The following RP1 variants were observed in gnomAD, a reference collection of about 807,000 sequenced individuals.
The protein encoded by RP1 is oxygen-regulated protein 1.
Under a neutral mutation model 14.8 loss-of-function variants are expected in RP1, and 16 were observed. The ratio of observed to expected loss-of-function variants is 1.08; its 90% CI spans 0.73 to 1.65. RP1 has a LOEUF of 1.65. Among genes scored for constraint, RP1 ranks in the 40% most tolerant of loss-of-function variants. The probability of loss-of-function intolerance (pLI) is 0.00; values close to 1 mark genes in which losing one functional copy is unlikely to be tolerated. For missense variants in RP1, 2,631 were observed against 2,535.0 expected, an observed-to-expected ratio of 1.04 and a Z score of -0.81; for synonymous variants, 876 against 883.6, an observed-to-expected ratio of 0.99 and a Z score of 0.15.
intron 1 of RP1, among the ~76,000 whole-genome samples, chr8:54,593,600 C>A (rs1554517362): frequency 6.6e-6 from 1 of 152,188 alleles, no homozygotes; most frequent in Non-Finnish European, 1.5e-5. Flanking sequence ...CTGCCACATC[C>A]AGTGTATGCA....
chr8:54,649,155 A>T (rs1216384749), intron 4 of RP1: 1 of 1,475,290 alleles, frequency 6.8e-7, no homozygotes, highest in Non-Finnish European at 8.9e-7. Context: ...TACTGTAAGT[A>T]ATAAAACTGA....
At chr8:54,778,470 A>G (rs917126455) in intron 23 of RP1, among the ~76,000 whole-genome samples, 1 of 151,764 alleles carries the variant, frequency 6.6e-6, no homozygotes, top group Admixed American at 6.6e-5. Flanking sequence ...GACTACAGGC[A>G]TGCACCACCA....
chr8:54,856,760 A>G (rs1405813959), intron 26 of RP1, among the ~76,000 whole-genome samples: 3 of 152,208 alleles, frequency 2.0e-5, no homozygotes, highest in Non-Finnish European at 2.9e-5. Context: ...TATTAGTAAG[A>G]GTAGATTTAA....
intron 3 of RP1, among the ~76,000 whole-genome samples, chr8:54,644,652 G>T: frequency 6.6e-6 from 1 of 152,040 alleles, no homozygotes; most frequent in East Asian, 1.9e-4. Context: ...AAAGCTTTAG[G>T]TATTTGTTAC....
chr8:54,644,574 A>G (rs575739153), intron 3 of RP1, among the ~76,000 whole-genome samples: 1 of 152,262 alleles, frequency 6.6e-6, no homozygotes, highest in South Asian at 2.1e-4. Flanking sequence ...TCAGTGAATC[A>G]TATGTTTAAT....
chr8:54,672,740 A>G (rs1807205964), intron 7 of RP1, among the ~76,000 whole-genome samples: 1 of 152,156 alleles, frequency 6.6e-6, no homozygotes, highest in South Asian at 2.1e-4. Flanking sequence ...GTAATATTTA[A>G]CTTTTTCTTT....
intron 21 of RP1, chr8:54,755,909 T>G (rs1221373025): frequency 3.8e-6 from 3 of 786,542 alleles, no homozygotes; most frequent in Non-Finnish European, 5.5e-6. Flanking sequence ...CTGACCTGAC[T>G]TCCTAATGTG....
chr8:54,638,095 T>C (rs1806385178), intron 3 of RP1, among the ~76,000 whole-genome samples: 1 of 152,204 alleles, frequency 6.6e-6, no homozygotes, highest in Non-Finnish European at 1.5e-5. Context: ...GTCTTGTTTA[T>C]TGAAATCTTA....
intron 1 of RP1, among the ~76,000 whole-genome samples, chr8:54,604,098 G>A (rs1316939667): frequency 1.3e-5 from 2 of 152,142 alleles, no homozygotes; most frequent in African/African-American, 2.4e-5. Flanking sequence ...GTGAGAGAGG[G>A]CATCCCTGTC....
At chr8:54,867,438 G>A (rs1812483307) in intron 28 of RP1, among the ~76,000 whole-genome samples, 1 of 152,020 alleles carries the variant, frequency 6.6e-6, no homozygotes. Context: ...GAATAGAAGG[G>A]GCAAAGATTG....
intron 3 of RP1, among the ~76,000 whole-genome samples, chr8:54,646,581 A>G (rs1369863896): frequency 6.6e-6 from 1 of 152,168 alleles, no homozygotes; most frequent in East Asian, 1.9e-4. Context: ...CTGAAAGATG[A>G]ATCTTCGTTC....
chr8:54,859,198 A>G (rs990630718), intron 27 of RP1, among the ~76,000 whole-genome samples: 16 of 150,496 alleles, frequency 1.1e-4, no homozygotes, highest in Non-Finnish European at 2.4e-4. Flanking sequence ...ACTGTAGTGC[A>G]ATGTCACTGT....
At chr8:54,861,000 A>G (rs1448974878) in intron 27 of RP1, among the ~76,000 whole-genome samples, 2 of 152,212 alleles carry the variant, frequency 1.3e-5, no homozygotes, top group Non-Finnish European at 2.9e-5. Context: ...AAACTCAGTT[A>G]AGGAACCCAG....
intron 12 of RP1, among the ~76,000 whole-genome samples, chr8:54,697,392 G>C (rs191459930): frequency 6.6e-6 from 1 of 151,792 alleles, no homozygotes; most frequent in African/African-American, 2.4e-5. Flanking sequence ...CCGTCTCTAC[G>C]AAAAATACAA....
chr8:54,662,125 T>A (rs775040079), intron 6 of RP1, among the ~76,000 whole-genome samples: 4 of 152,166 alleles, frequency 2.6e-5, no homozygotes, highest in African/African-American at 9.6e-5. Context: ...TCTTTTCCCA[T>A]GTGAGCTGAT....
Position 54,630,730 on chromosome 8 carries a change from T to C in RP1, c.*377T>C. On this transcript the variant is annotated 3_prime_UTR_variant, in exon 4 of 4. Coordinates refer to ENST00000220676, the MANE Select transcript of RP1 (RefSeq NM_006269.2). Reference sequence around the variant, plus strand: ...AATGTATATTGACTGTATTGGTGAATAAATTGAATAGACATAACCTCAAAG... The same window carrying C: ...AATGTATATTGACTGTATTGGTGAACAAATTGAATAGACATAACCTCAAAG... The C allele has an allele frequency of 9.6e-7, 1 of 1,039,236 alleles. No individual in the cohort carries two copies. The highest frequency in any genetic ancestry group is 1.2e-6 in the Non-Finnish European group (1 of 863,370). The allele number at this position is 1,039,236 out of a possible 1,614,324, so 64.4% of individuals were successfully genotyped here. A position where few individuals can be genotyped will look rare whatever the true frequency, so the allele number is the denominator to read the frequency against.
intron 19 of RP1, among the ~76,000 whole-genome samples, chr8:54,749,346 C>G (rs190148323): frequency 6.6e-6 from 1 of 151,502 alleles, no homozygotes; most frequent in East Asian, 1.9e-4. Context: ...AAAAACAAAA[C>G]AAAAAACAAG....
intron 12 of RP1, among the ~76,000 whole-genome samples, chr8:54,683,065 C>G (rs1313173948): frequency 6.6e-6 from 1 of 152,058 alleles, no homozygotes; most frequent in African/African-American, 2.4e-5. Flanking sequence ...AGTCCTTTTC[C>G]TATTGCTTGT....
At chr8:54,567,243 C>G (rs1804429558) in intron 1 of RP1, among the ~76,000 whole-genome samples, 1 of 152,220 alleles carries the variant, frequency 6.6e-6, no homozygotes, top group South Asian at 2.1e-4. Context: ...GTCAGTCTCT[C>G]AGTCGCGGAA....
Sources: allele counts gnomAD v4.1 joint callset (sites outside exome capture counted in the v4.1 genomes callset), GRCh38; gene constraint gnomAD v4.1.1; transcripts MANE v1.5; gene names NCBI Gene and HGNC (gene_info 2026-07-23, HGNC 2026-07-21).